Variants in SIPA1L1 observed in about 807,000 individuals in gnomAD.
SIPA1L1 encodes the protein signal induced proliferation associated 1 like 1, also known as signal-induced proliferation-associated 1-like protein 1.
Under a neutral mutation model 162.7 loss-of-function variants are expected in SIPA1L1, and 26 were observed. That is an observed-to-expected ratio of 0.16 (90% CI 0.12 to 0.22). The LOEUF (loss-of-function observed/expected upper bound fraction) is 0.22. SIPA1L1 is among the 10% of genes least tolerant of loss of function. SIPA1L1 has a pLI of 1.00. For missense variants in SIPA1L1, 1,874 were observed against 2,241.0 expected (o/e 0.84, Z 3.31); for synonymous variants, 829 against 837.4 (o/e 0.99, Z 0.17).
intron 7 of SIPA1L1, among the ~76,000 whole-genome samples, chr14:71,642,887 T>C (rs1045378071): frequency 1.3e-4 from 20 of 151,620 alleles, no homozygotes; most frequent in Admixed American, 1.3e-3. Context: ...AAAAGTACAC[T>C]GGACAGAATT....
At position 71,603,718 on chromosome 14, in the gene SIPA1L1, C is replaced by T. The variant is rs1281800014; in HGVS notation, c.1498+14348C>T. Among the ~76,000 whole-genome samples the T allele has an allele frequency of 2.0e-5, 3 of 151,642 alleles. No individual in the cohort carries two copies. The East Asian group carries it at 5.9e-4, about 30-fold the overall frequency. On this transcript the variant is annotated intron_variant, in intron 5 of 23. Coordinates refer to ENST00000381232, the MANE Select transcript of SIPA1L1 (RefSeq NM_001386936.1). ...CGGGTGGATCACGAGGTCAGGAGTT[C>T]GAGACCAGCCTGGCCAAGATGGTGA...
intron 3 of SIPA1L1, among the ~76,000 whole-genome samples, chr14:71,522,976 C>G (rs2052509714): frequency 6.6e-6 from 1 of 152,120 alleles, no homozygotes; most frequent in South Asian, 2.1e-4. Flanking sequence ...CCCGACCTTA[C>G]TCTCTCTTTT....
intron 7 of SIPA1L1, among the ~76,000 whole-genome samples, chr14:71,645,719 G>A (rs147106681): frequency 6.6e-6 from 1 of 152,240 alleles, no homozygotes; most frequent in East Asian, 1.9e-4. Flanking sequence ...TCATGCAAAA[G>A]TGCCAGCAGT....
intron 12 of SIPA1L1, among the ~76,000 whole-genome samples, chr14:71,680,600 T>G (rs913508751): frequency 6.6e-6 from 1 of 151,896 alleles, no homozygotes; most frequent in Non-Finnish European, 1.5e-5. Flanking sequence ...CTGAAGGAGA[T>G]AGAGACACAA....
chr14:71,356,582 A>AAAAAAAAAAAAAAAAAAAAAAAAAC (rs1278998845), intron 2 of SIPA1L1, among the ~76,000 whole-genome samples: 2 of 145,314 alleles, frequency 1.4e-5, no homozygotes, highest in African/African-American at 2.5e-5. Flanking sequence ...AAAAAAAAAA[A>AAAAAAAAAAAAAAAAAAAAAAAAAC]AAAAAGCACA....
chr14:71,549,731 A>C (rs967085069), intron 4 of SIPA1L1, among the ~76,000 whole-genome samples: 2 of 152,178 alleles, frequency 1.3e-5, no homozygotes, highest in African/African-American at 4.8e-5. Context: ...CATGTGCTGA[A>C]CAGTGGGACC....
At chr14:71,718,866 T>TC (rs2083466528) in intron 17 of SIPA1L1, among the ~76,000 whole-genome samples, 2 of 152,188 alleles carry the variant, frequency 1.3e-5, no homozygotes, top group Non-Finnish European at 1.5e-5. Context: ...AGCTCATTTG[T>TC]CCACTATACT....
At chr14:71,676,153 G>T (rs897933086) in intron 12 of SIPA1L1, among the ~76,000 whole-genome samples, 1 of 149,522 alleles carries the variant, frequency 6.7e-6, no homozygotes, top group African/African-American at 2.5e-5. Flanking sequence ...AATTAGGGGG[G>T]CGTGCTGGCA....
chr14:71,611,111 G>A (rs1248420044), intron 5 of SIPA1L1, among the ~76,000 whole-genome samples: 1 of 152,142 alleles, frequency 6.6e-6, no homozygotes, highest in African/African-American at 2.4e-5. Flanking sequence ...TTAAAATTAG[G>A]ATGAGCCCTT....
At chr14:71,376,898 A>G (rs1272418681) in intron 2 of SIPA1L1, among the ~76,000 whole-genome samples, 1 of 152,206 alleles carries the variant, frequency 6.6e-6, no homozygotes, top group Non-Finnish European at 1.5e-5. Flanking sequence ...AATTTTTCTT[A>G]GTACAGAACA....
At chr14:71,643,828 A>G (rs1449555583) in intron 7 of SIPA1L1, among the ~76,000 whole-genome samples, 2 of 152,164 alleles carry the variant, frequency 1.3e-5, no homozygotes, top group Non-Finnish European at 2.9e-5. Flanking sequence ...TTTCTTTTGA[A>G]ATGGAGTCTC....
At chr14:71,457,969 G>T (rs553181223) in intron 2 of SIPA1L1, among the ~76,000 whole-genome samples, 1 of 152,108 alleles carries the variant, frequency 6.6e-6, no homozygotes, top group African/African-American at 2.4e-5. Context: ...TTTACATTTT[G>T]TAACCTTTTC....
At chr14:71,618,078 C>A (rs999418921) in intron 5 of SIPA1L1, among the ~76,000 whole-genome samples, 6 of 152,180 alleles carry the variant, frequency 3.9e-5, no homozygotes, top group African/African-American at 1.4e-4. Flanking sequence ...AGGTTTGGGG[C>A]CTTAGGCAAA....
At chr14:71,680,206 C>T (rs1001565382) in intron 12 of SIPA1L1, among the ~76,000 whole-genome samples, 1 of 152,170 alleles carries the variant, frequency 6.6e-6, no homozygotes, top group Non-Finnish European at 1.5e-5. Flanking sequence ...TGTAAAACAA[C>T]AGAAATTGTG....
intron 4 of SIPA1L1, among the ~76,000 whole-genome samples, chr14:71,551,536 A>G (rs558976327): frequency 3.3e-5 from 5 of 152,302 alleles, no homozygotes; most frequent in East Asian, 1.9e-4. Flanking sequence ...AGTTGGCTCT[A>G]CTACCAAAAG....
chr14:71,544,152 T>TGTGTGTATGTACATATATGCAC (rs1255547964), intron 4 of SIPA1L1, among the ~76,000 whole-genome samples: 180 of 141,266 alleles, frequency 1.3e-3, no homozygotes, highest in Non-Finnish European at 2.2e-3. Context: ...TATATGCACG[T>TGTGTGTATGTACATATATGCAC]GTGTGTATAT....
intron 2 of SIPA1L1, among the ~76,000 whole-genome samples, chr14:71,437,218 A>G (rs1221343715): frequency 3.9e-5 from 6 of 152,128 alleles, no homozygotes; most frequent in Non-Finnish European, 5.9e-5. Flanking sequence ...AGTTGATTTT[A>G]CAAAATTTGC....
chr14:71,350,928 T>G (rs2036638801), intron 2 of SIPA1L1, among the ~76,000 whole-genome samples: 1 of 152,240 alleles, frequency 6.6e-6, no homozygotes, highest in Non-Finnish European at 1.5e-5. Flanking sequence ...TTGATGGATC[T>G]GCACAAGCTG....
At chr14:71,461,171 C>G (rs566361445) in intron 2 of SIPA1L1, among the ~76,000 whole-genome samples, 50 of 152,312 alleles carry the variant, frequency 3.3e-4, no homozygotes, top group African/African-American at 1.2e-3. Context: ...AACCTCTGCC[C>G]TTTCCGTGAT....
Sources: allele counts gnomAD v4.1 joint callset (sites outside exome capture counted in the v4.1 genomes callset), GRCh38; gene constraint gnomAD v4.1.1; transcripts MANE v1.5; gene names NCBI Gene and HGNC (gene_info 2026-07-23, HGNC 2026-07-21).